The following ZSWIM2 variants were observed in gnomAD, a reference collection of about 807,000 sequenced individuals.
The protein encoded by ZSWIM2 is zinc finger SWIM-type containing 2.
Under a neutral mutation model 48.4 loss-of-function variants are expected in ZSWIM2, and 38 were observed. The observed-to-expected ratio is 0.79, with a 90% confidence interval of 0.61 to 1.03. ZSWIM2 has a LOEUF of 1.03. Among genes scored for constraint, ZSWIM2 ranks in the 50% least tolerant of loss-of-function variants. The pLI, the probability that ZSWIM2 is intolerant of heterozygous loss-of-function variation, is 0.00. For missense variants in ZSWIM2, 776 were observed against 730.2 expected (o/e 1.06, Z -0.72); for synonymous variants, 240 against 251.3 (o/e 0.96, Z 0.42).
At chr2:186,844,909 T>C (rs1691968638) in intron 2 of ZSWIM2, 152 bp from the exon 3 acceptor site, 2 of 659,108 alleles carry the variant, frequency 3.0e-6, no homozygotes, top group African/African-American at 1.9e-5. Context: ...TTTTCTGTTA[T>C]AATAGTTGTT....
In ZSWIM2 at chr2:186,828,102, C is replaced by A. The variant is rs1331785191; in HGVS notation, c.1784G>T (p.Ser595Ile). Residue 595 changes from serine (S) to isoleucine (I), a missense_variant, in exon 9 of 9, where the codon AGT becomes ATT. Transcript: ENST00000295131. The part of the protein sequence containing the change: ...TAKLSLSKRY[S>I]NCMGEITRKC... ...TCGTGTAATTTCCCCCATACAGTTA[C>A]TATACCTTTTAGACAAACTAAGTTT... 1 of 1,613,450 alleles carries A rather than the reference C, an allele frequency of 6.2e-7. No homozygotes were observed. The highest frequency in any genetic ancestry group is 8.5e-7 in the Non-Finnish European group (1 of 1,179,674).
At chr2:186,842,807 T>C (rs986533197) in intron 3 of ZSWIM2, among the ~76,000 whole-genome samples, 1 of 151,564 alleles carries the variant, frequency 6.6e-6, no homozygotes, top group Non-Finnish European at 1.5e-5. Context: ...ATTTAGTTTT[T>C]AACTTAAAGC....
intron 3 of ZSWIM2, among the ~76,000 whole-genome samples, chr2:186,844,002 CTT>C (rs1691952844): frequency 6.6e-6 from 1 of 151,640 alleles, no homozygotes; most frequent in Non-Finnish European, 1.5e-5. Flanking sequence ...CTAATTATCA[CTT>C]TAATTATTCA....
In ZSWIM2 at chr2:186,844,822, A is replaced by T. The variant is rs1029557311; in HGVS notation, c.243-65T>A. On this transcript the variant is annotated intron_variant, in intron 2 of 8. Coordinates refer to ENST00000295131, the MANE Select transcript of ZSWIM2 (RefSeq NM_182521.3). ...TTTGGCATAAACTCAAAAGACATTT[A>T]AAAATATTTAGAATAGAAATTGAAT... is the stretch of plus-strand genomic sequence containing the variant. 3.8e-6 allele frequency: 5 copies of T among 1,324,832 alleles called. No individual in the cohort carries two copies. The African/African-American group carries it at 7.7e-5, about 20-fold the overall frequency. The allele number at this position is 1,324,832 out of a possible 1,614,324, so 82.1% of individuals were successfully genotyped here.
intron 7 of ZSWIM2, among the ~76,000 whole-genome samples, chr2:186,830,734 T>C (rs1559111652): frequency 1.3e-5 from 2 of 152,162 alleles, no homozygotes. Flanking sequence ...CTCCATTTTT[T>C]TGTACCAAAC....
Position 186,834,002 on chromosome 2 carries a change from A to C in ZSWIM2, c.772T>G (p.Cys258Gly). The C allele has an allele frequency of 6.2e-7, 1 of 1,613,132 alleles. No homozygotes were observed. The highest frequency in any genetic ancestry group is 1.1e-5 in the South Asian group (1 of 91,064). ...CAGCAGCTATCAAAACATTCCTGGCATAAGTGATATTCTATGCATTCGGTA... is the reference window on the plus strand; with the variant it reads ...CAGCAGCTATCAAAACATTCCTGGCCTAAGTGATATTCTATGCATTCGGTA... ...KCTECIEYHL[C>G]QECFDSCCHL... Residue 258 changes from cysteine (C) to glycine (G), a missense_variant, in exon 6 of 9, where the codon TGC (cysteine) becomes GGC (glycine). By Grantham distance (159) the Cys-to-Gly change is radical. Transcript: ENST00000295131.
intron 2 of ZSWIM2, 87 bp downstream of exon 2, chr2:186,847,632 G>T: frequency 2.3e-6 from 2 of 864,974 alleles, no homozygotes; most frequent in South Asian, 2.2e-5. Flanking sequence ...CTTTAATTTT[G>T]TTGTTATTGA....
At chr2:186,832,183 T>G (rs1313092706) in intron 7 of ZSWIM2, among the ~76,000 whole-genome samples, 2 of 152,046 alleles carry the variant, frequency 1.3e-5, no homozygotes, top group Non-Finnish European at 2.9e-5. Context: ...ATTGCCATTT[T>G]GGCTCACTGC....
Position 186,844,595 on chromosome 2 carries a change from C to T in ZSWIM2, c.283+122G>A, listed in dbSNP as rs1177974672. ...TAAGAAGCTGAGCTACTGATAGTTACGATTCCCTAGAAAAGTAACCATCTA... is the reference window on the plus strand; with the variant it reads ...TAAGAAGCTGAGCTACTGATAGTTATGATTCCCTAGAAAAGTAACCATCTA... On this transcript the variant is annotated intron_variant, in intron 3 of 8. Coordinates refer to ENST00000295131, the MANE Select transcript of ZSWIM2 (RefSeq NM_182521.3). 6 of 976,750 alleles carry T rather than the reference C, an allele frequency of 6.1e-6. No individual in the cohort carries two copies. In the South Asian group the frequency reaches 7.3e-5, roughly 12 times the overall value. The allele number at this position is 976,750 out of a possible 1,614,324, so 60.5% of individuals were successfully genotyped here.
intron 1 of ZSWIM2, 196 bp downstream of exon 1, chr2:186,848,770 C>T: frequency 3.1e-6 from 2 of 645,480 alleles, no homozygotes; most frequent in Non-Finnish European, 5.2e-6. Flanking sequence ...AAAAAAGAAA[C>T]TTCTAATAAA....
rs767822712 is a variant in ZSWIM2 at position 186,833,137 on chromosome 2, A to G, written c.924T>C (p.His308=). Residue 308 remains histidine (H), a synonymous_variant, in exon 7 of 9, where the codon CAT becomes CAC. Coordinates refer to ENST00000295131, the MANE Select transcript of ZSWIM2 (RefSeq NM_182521.3). The part of the protein sequence containing the change: ...TKNEIEEKMS[H]FQEKQGQVYT... ...AACCTCACCCTTGCTTTTCTTGAAA[A>G]TGTGACATCTTTTCTTCAATCTCAT... The G allele has an allele frequency of 1.7e-5, 26 of 1,495,514 alleles. No individual in the cohort carries two copies. Among genetic ancestry groups the G allele is most frequent in the Non-Finnish European group, 2.1e-5 (24 of 1,116,904 alleles). The allele number at this position is 1,495,514 out of a possible 1,614,324, so 92.6% of individuals were successfully genotyped here.
intron 7 of ZSWIM2, among the ~76,000 whole-genome samples, chr2:186,831,070 T>C (rs1432611315): frequency 6.6e-6 from 1 of 152,176 alleles, no homozygotes; most frequent in African/African-American, 2.4e-5. Context: ...CTCTTACTTA[T>C]TCCATTTTCT....
intron 8 of ZSWIM2, among the ~76,000 whole-genome samples, chr2:186,829,336 A>C (rs1691657761): frequency 6.6e-6 from 1 of 152,130 alleles, no homozygotes; most frequent in South Asian, 2.1e-4. Flanking sequence ...TGCTGATTCT[A>C]ATGAGTTCAT....
At chr2:186,847,840 G>A (rs1333069909) in intron 1 of ZSWIM2, 45 bp from the exon 2 acceptor site, 5 of 1,424,560 alleles carry the variant, frequency 3.5e-6, no homozygotes, top group Non-Finnish European at 4.9e-6. Context: ...TAAAATTTGA[G>A]AGTTAGAGCA....
In ZSWIM2 at chr2:186,828,230, G is replaced by T. The variant is rs768307970; in HGVS notation, c.1656C>A (p.Asn552Lys). ...TGGCAGGAGTCTTCTTTAGGTTGTG[G>T]TTATTACATTTACAGCCTTTGGTCA... ...SRMTKGCKCN[N>K]HNLKKTPATK... Residue 552 changes from asparagine to lysine, a missense_variant, in exon 9 of 9, where the codon AAC (asparagine) becomes AAA (lysine). Asn to Lys is a moderately conservative substitution (Grantham distance 94, BLOSUM62 0). Coordinates refer to ENST00000295131, the MANE Select transcript of ZSWIM2 (RefSeq NM_182521.3). 3 of 1,613,496 alleles carry T rather than the reference G, an allele frequency of 1.9e-6. No homozygotes were observed. Among genetic ancestry groups the T allele is most frequent in the Non-Finnish European group, 1.7e-6 (2 of 1,179,756 alleles).
chr2:186,843,168 A>G (rs1691939299), intron 3 of ZSWIM2, among the ~76,000 whole-genome samples: 1 of 151,628 alleles, frequency 6.6e-6, no homozygotes, highest in South Asian at 2.1e-4. Context: ...TTTCCATTGG[A>G]CAGCCTCAGT....
At chr2:186,841,019 G>A (rs1199811382) in intron 3 of ZSWIM2, among the ~76,000 whole-genome samples, 1 of 151,498 alleles carries the variant, frequency 6.6e-6, no homozygotes, top group Admixed American at 6.6e-5. Context: ...AGGCAAATGA[G>A]TTAAAATAAG....
chr2:186,835,841 G>A (rs1312529252), intron 5 of ZSWIM2, among the ~76,000 whole-genome samples: 1 of 152,144 alleles, frequency 6.6e-6, no homozygotes, highest in Non-Finnish European at 1.5e-5. Flanking sequence ...AGAGAATGGA[G>A]ACAGAGATGA....
Position 186,829,716 on chromosome 2 carries a change from G to A in ZSWIM2, c.1095+11C>T. 1.2e-6 allele frequency: 2 copies of A among 1,601,012 alleles called. No homozygotes were observed. Among genetic ancestry groups the A allele is most frequent in the Non-Finnish European group, 1.7e-6 (2 of 1,176,002 alleles). ...ACAGGGAAAGTAAAACTAAAATGAT[G>A]TGACTTTTACCTTGTGAGTACATGG... On this transcript the variant is annotated intron_variant, in intron 8 of 8. Transcript: ENST00000295131.
Sources: allele counts gnomAD v4.1 joint callset (sites outside exome capture counted in the v4.1 genomes callset), GRCh38; gene constraint gnomAD v4.1.1; transcripts MANE v1.5; gene names NCBI Gene and HGNC (gene_info 2026-07-23, HGNC 2026-07-21).